ITGAE: variants seen among roughly 807,000 people sequenced by gnomAD.
The protein encoded by ITGAE is integrin subunit alpha E, also known as integrin alpha-E.
Under a neutral mutation model 136.5 loss-of-function variants are expected in ITGAE, and 99 were observed. The ratio of observed to expected loss-of-function variants is 0.73; its 90% CI spans 0.62 to 0.86. The LOEUF is 0.86. ITGAE is among the 40% of genes least tolerant of loss of function. The pLI is 0.00. For synonymous variants in ITGAE, 613 were observed against 591.8 expected (o/e 1.04, Z -0.52); for missense variants, 1,447 against 1,515.3 (o/e 0.95, Z 0.75).
In ITGAE at chr17:3,777,554, G is replaced by A; in HGVS notation, c.141C>T (p.Ser47=). The change falls in exon 2 of 31, where the codon AGC becomes AGT. Residue 47 remains serine (S), a synonymous_variant. Transcript: ENST00000263087. The stretch of plus-strand genomic sequence containing the variant: ...GCCCTACTCACCAGGTCTGGTTGGT[G>A]CTGGGGTCTTGGTGCAGAAGGGAGC... The part of the protein sequence containing the change: ...VLSSLLHQDP[S]TNQTWLLVTS... The A allele has an allele frequency of 6.2e-7, 1 of 1,613,702 alleles. No homozygotes were observed. The highest frequency in any genetic ancestry group is 8.5e-7 in the Non-Finnish European group (1 of 1,179,744).
At chr17:3,725,484 G>A (rs1188629899) in intron 26 of ITGAE, 8 of 1,614,180 alleles carry the variant, frequency 5.0e-6, no homozygotes, top group Non-Finnish European at 6.8e-6. Flanking sequence ...TGCTATTGAA[G>A]GACCAGATTT....
intron 2 of ITGAE, among the ~76,000 whole-genome samples, chr17:3,772,268 T>C (rs1413452091): frequency 1.3e-5 from 2 of 152,130 alleles, no homozygotes; most frequent in African/African-American, 2.4e-5. Context: ...GGTGGGGTCA[T>C]TGTCACTCTT....
At chr17:3,728,274 G>C in intron 24 of ITGAE, 106 bp from the exon 25 acceptor site, 1 of 866,572 alleles carries the variant, frequency 1.2e-6, no homozygotes, top group Non-Finnish European at 2.0e-6. Context: ...AACAATCATG[G>C]CTCAGTGTAG....
At chr17:3,777,203 C>T (rs909587469) in intron 2 of ITGAE, among the ~76,000 whole-genome samples, 6 of 152,032 alleles carry the variant, frequency 3.9e-5, no homozygotes, top group Admixed American at 1.3e-4. Context: ...CCTCGTGATC[C>T]GCCCGCCTCG....
intron 1 of ITGAE, among the ~76,000 whole-genome samples, chr17:3,788,198 C>CTT (rs200999689): frequency 1.5e-4 from 21 of 141,118 alleles, no homozygotes; most frequent in African/African-American, 4.9e-4. Context: ...CACTCACTTA[C>CTT]TTTTTTTTTT....
At chr17:3,734,152 G>A (rs1246804607) in intron 21 of ITGAE, among the ~76,000 whole-genome samples, 1 of 152,108 alleles carries the variant, frequency 6.6e-6, no homozygotes, top group Admixed American at 6.6e-5. Flanking sequence ...CTCACTGCAA[G>A]CTCCGCCTCC....
rs1038884723 is a variant in ITGAE, at chr17:3,757,707, C to T, written c.1019G>A (p.Gly340Glu). The change falls in exon 9 of 31, where the codon GGG (glycine) becomes GAG (glutamate). Residue 340 changes from glycine to glutamate, a missense_variant and splice_region_variant. Around this residue, in one of 3 missense-constraint regions of ITGAE, gnomAD observed 310 missense variants for 416.1 expected, o/e 0.74. Transcript: ENST00000263087. ...KMQGVERFAI[G>E]VGEEFKSART... ...TGTCTCCCGGCTCCTGGCTCTTACCCCAATGGCAAAGCGCTCAACACCCTG... is the reference window on the plus strand; with the variant it reads ...TGTCTCCCGGCTCCTGGCTCTTACCTCAATGGCAAAGCGCTCAACACCCTG... 6.2e-7 allele frequency: 1 copy of T among 1,613,776 alleles called. No homozygotes were observed. The highest frequency in any genetic ancestry group is 1.3e-5 in the African/African-American group (1 of 74,930).
rs1271682653 is a variant in ITGAE at position 3,765,330 on chromosome 17, CAG to C, written c.156-1372_156-1371del. Among the ~76,000 whole-genome samples the C allele has an allele frequency of 2.8e-5, 3 of 108,964 alleles. No homozygotes were observed. In the East Asian group the frequency reaches 8.5e-4, roughly 31 times the overall value. 71.5% of individuals were successfully genotyped at this position (108,964 alleles called of 152,430 possible). On this transcript the variant is annotated intron_variant, in intron 2 of 30. Coordinates refer to ENST00000263087, the MANE Select transcript of ITGAE (RefSeq NM_002208.5). ...CGCCACTGAACTCCAGCCTGGGTGACAGAGCGAGACTCTGTCTCAAAAAAAAA... is the reference window on the plus strand; with the variant it reads ...CGCCACTGAACTCCAGCCTGGGTGACAGCGAGACTCTGTCTCAAAAAAAAA...
rs1240821886 is a variant in ITGAE, at chr17:3,760,108, T to C, written c.714+64A>G. The stretch of plus-strand genomic sequence containing the variant: ...GAATTGTGAGCAAATGTGGTGATTG[T>C]TGTTCTGAGGTAGGGTGATTCTCAG... On this transcript the variant is annotated intron_variant, in intron 7 of 30. Coordinates refer to ENST00000263087, the MANE Select transcript of ITGAE (RefSeq NM_002208.5). 4.2e-6 allele frequency: 4 copies of C among 946,866 alleles called. No individual in the cohort carries two copies. In the African/African-American group the frequency reaches 6.5e-5, roughly 15 times the overall value. 58.7% of individuals were successfully genotyped at this position (946,866 alleles called of 1,614,324 possible).
At chr17:3,722,035 C>T (rs1021138355) in intron 28 of ITGAE, among the ~76,000 whole-genome samples, 3 of 152,014 alleles carry the variant, frequency 2.0e-5, no homozygotes, top group South Asian at 2.1e-4. Context: ...CAAAATTAGC[C>T]GGGTATGGTG....
intron 1 of ITGAE, among the ~76,000 whole-genome samples, chr17:3,797,356 G>A (rs935975918): frequency 9.0e-4 from 136 of 151,146 alleles, no homozygotes; most frequent in African/African-American, 3.2e-3. Context: ...TAGTAGAGAC[G>A]GAGTTTCACT....
chr17:3,746,112 G>A (rs2051707759), intron 17 of ITGAE, among the ~76,000 whole-genome samples, 185 bp from the exon 18 acceptor site: 1 of 152,168 alleles, frequency 6.6e-6, no homozygotes. Flanking sequence ...TCTGACACCT[G>A]ACCAGGGTCT....
At chr17:3,760,362 A>T in intron 6 of ITGAE, 75 bp from the exon 7 acceptor site, 1 of 580,278 alleles carries the variant, frequency 1.7e-6, no homozygotes, top group Admixed American at 2.8e-5. Context: ...TAGGGCATGC[A>T]CCCCCACTGC....
chr17:3,771,964 GACCCTCTAGTTCCTCCAA>G (rs1214826566), intron 2 of ITGAE, among the ~76,000 whole-genome samples: 3 of 152,076 alleles, frequency 2.0e-5, no homozygotes, highest in Admixed American at 2.0e-4. Context: ...CCCGGCTTCA[GACCCTCTAGTTCCTCCAA>G]ACCCTCAGTG....
At chr17:3,724,031 G>T (rs992929206) in intron 26 of ITGAE, 1 of 1,591,926 alleles carries the variant, frequency 6.3e-7, no homozygotes, top group Non-Finnish European at 8.5e-7. Flanking sequence ...GGGAAGCCGC[G>T]CAGTGGTTCC....
intron 30 of ITGAE, among the ~76,000 whole-genome samples, chr17:3,715,902 A>C (rs1450901570): frequency 6.6e-6 from 1 of 151,906 alleles, no homozygotes; most frequent in Non-Finnish European, 1.5e-5. Context: ...CATGACTGTA[A>C]TCCCAGAACT....
intron 26 of ITGAE, chr17:3,724,556 C>G (rs1338822925): frequency 6.2e-7 from 1 of 1,614,144 alleles, no homozygotes; most frequent in Non-Finnish European, 8.5e-7. Flanking sequence ...GCCTCCACCT[C>G]CCAGAAGTCT....
At chr17:3,740,312 C>T (rs1256320431) in intron 19 of ITGAE, among the ~76,000 whole-genome samples, 1 of 152,216 alleles carries the variant, frequency 6.6e-6, no homozygotes, top group Non-Finnish European at 1.5e-5. Context: ...GATGCCTAGC[C>T]AAATATCGTC....
chr17:3,716,280 G>A (rs2050942823), intron 30 of ITGAE, among the ~76,000 whole-genome samples: 1 of 152,086 alleles, frequency 6.6e-6, no homozygotes, highest in Non-Finnish European at 1.5e-5. Flanking sequence ...GACAGGGGAA[G>A]GCAAGGAAAA....
Sources: allele counts gnomAD v4.1 joint callset (sites outside exome capture counted in the v4.1 genomes callset), GRCh38; gene constraint gnomAD v4.1.1; regional missense constraint gnomAD v4.1.1; transcripts MANE v1.5; gene names NCBI Gene and HGNC (gene_info 2026-07-23, HGNC 2026-07-21).